The following N4BP2 variants were observed in gnomAD, a reference collection of about 807,000 sequenced individuals.
N4BP2 encodes the protein NEDD4-binding protein 2.
Under a neutral mutation model 152.8 loss-of-function variants are expected in N4BP2, and 91 were observed. The ratio of observed to expected loss-of-function variants is 0.60; its 90% CI spans 0.50 to 0.71. The LOEUF (loss-of-function observed/expected upper bound fraction) is 0.71. Among genes scored for constraint, N4BP2 ranks in the 30% least tolerant of loss-of-function variants. N4BP2 has a pLI of 0.00. For synonymous variants in N4BP2, 646 were observed against 705.3 expected, an observed-to-expected ratio of 0.92 and a Z score of 1.33; for missense variants, 1,923 against 2,059.1, an observed-to-expected ratio of 0.93 and a Z score of 1.28.
At chr4:40,187,624 A>G in the N4BP2 span, among the ~76,000 whole-genome samples, 2 of 152,230 alleles carry the variant, frequency 1.3e-5, 1 homozygote, top group East Asian at 3.8e-4. Flanking sequence ...CCAGCCTAAG[A>G]TGCATTTTAT....
intron 7 of N4BP2, 100 bp from the exon 8 acceptor site, chr4:40,117,769 C>G: frequency 1.1e-6 from 1 of 950,602 alleles, no homozygotes; most frequent in Non-Finnish European, 1.5e-6. Flanking sequence ...ATATTCGTAT[C>G]TATTAGAAAT....
At chr4:40,099,510 A>C (rs937104155) in intron 3 of N4BP2, among the ~76,000 whole-genome samples, 3 of 152,138 alleles carry the variant, frequency 2.0e-5, no homozygotes, top group African/African-American at 7.2e-5. Flanking sequence ...TCAGCCTCCC[A>C]AAATGCTAGG....
Position 40,120,467 on chromosome 4 carries a change from A to G in N4BP2, c.2356A>G (p.Asn786Asp), listed in dbSNP as rs1717775203. 5 of 1,613,716 alleles carry G rather than the reference A, an allele frequency of 3.1e-6. No individual in the cohort carries two copies. The South Asian group carries it at 4.4e-5, about 14-fold the overall frequency. ...LEKFPRHELSNFVGDWPVDKT... is the reference protein window; with the variant it reads ...LEKFPRHELSDFVGDWPVDKT... ...AAAGTTCCCAAGACATGAGCTATCA[A>G]ATTTTGTTGGTGACTGGCCAGTTGA... Residue 786 changes from asparagine (N) to aspartate (D), a missense_variant, in exon 9 of 18, where the codon AAT becomes GAT. Coordinates refer to ENST00000261435, the MANE Select transcript of N4BP2 (RefSeq NM_018177.6).
the N4BP2 span, among the ~76,000 whole-genome samples, chr4:40,176,487 G>C: frequency 1.1e-4 from 16 of 152,220 alleles, no homozygotes; most frequent in African/African-American, 3.4e-4. Context: ...AAGGAGTGGA[G>C]AGTGTATAGT....
chr4:40,087,393 T>G (rs908781936), intron 2 of N4BP2, among the ~76,000 whole-genome samples: 6 of 152,264 alleles, frequency 3.9e-5, no homozygotes, highest in Admixed American at 2.6e-4. Flanking sequence ...AGGCTAAGTC[T>G]CACTCTGTCA....
At chr4:40,145,053 C>A (rs1177221023) in intron 16 of N4BP2, among the ~76,000 whole-genome samples, 1 of 152,124 alleles carries the variant, frequency 6.6e-6, no homozygotes, top group African/African-American at 2.4e-5. Flanking sequence ...ATCTGCGAAT[C>A]CTCTCTGTGA....
intron 16 of N4BP2, among the ~76,000 whole-genome samples, chr4:40,147,913 C>T (rs932228208): frequency 2.0e-5 from 3 of 150,336 alleles, no homozygotes; most frequent in Non-Finnish European, 3.0e-5. Flanking sequence ...AGAGGCGCTC[C>T]CCACATTTCA....
intron 2 of N4BP2, among the ~76,000 whole-genome samples, chr4:40,089,783 A>G (rs1714354975): frequency 6.6e-6 from 1 of 152,132 alleles, no homozygotes; most frequent in Admixed American, 6.5e-5. Context: ...GTTTTTGCCT[A>G]GCCTTAGCTT....
chr4:40,171,395 T>C, the N4BP2 span, among the ~76,000 whole-genome samples: 1 of 152,188 alleles, frequency 6.6e-6, no homozygotes, highest in Non-Finnish European at 1.5e-5. Flanking sequence ...CCCAGGGTAA[T>C]GCTGTGTGGT....
chr4:40,120,258 C>T lies in N4BP2; in HGVS notation c.2147C>T (p.Thr716Ile), dbSNP rs768056174. ...VAVKGYSKTD[T>I]DSSMERVSPS... ...GTAAAAGGGTATAGTAAAACTGACACAGATAGTTCTATGGAGAGAGTATCA... is the reference window on the plus strand; with the variant it reads ...GTAAAAGGGTATAGTAAAACTGACATAGATAGTTCTATGGAGAGAGTATCA... The change falls in exon 9 of 18, where the codon ACA (threonine) becomes ATA (isoleucine). Residue 716 changes from threonine to isoleucine, a missense_variant. Physicochemically the swap from Thr to Ile is moderately conservative, Grantham distance 89. Transcript: ENST00000261435. 4.3e-6 allele frequency: 7 copies of T among 1,613,874 alleles called. No homozygotes were observed. The East Asian group carries it at 8.9e-5, about 21-fold the overall frequency.
At chr4:40,086,974 C>G (rs1020626197) in intron 2 of N4BP2, among the ~76,000 whole-genome samples, 1 of 152,040 alleles carries the variant, frequency 6.6e-6, no homozygotes, top group South Asian at 2.1e-4. Flanking sequence ...GTTTCGAACT[C>G]CTGGACTCAG....
At chr4:40,170,260 TGTG>T in the N4BP2 span, among the ~76,000 whole-genome samples, 1 of 152,116 alleles carries the variant, frequency 6.6e-6, no homozygotes, top group Non-Finnish European at 1.5e-5. Context: ...AAGAGTCCAT[TGTG>T]GTAATATATT....
chr4:40,153,258 A>T (rs1317565354), intron 17 of N4BP2, among the ~76,000 whole-genome samples: 3 of 152,248 alleles, frequency 2.0e-5, no homozygotes, highest in Non-Finnish European at 4.4e-5. Context: ...TTTCTTTGAT[A>T]ATATGCAAAA....
At chr4:40,149,458 GA>G (rs1231902588) in intron 16 of N4BP2, among the ~76,000 whole-genome samples, 2 of 152,194 alleles carry the variant, frequency 1.3e-5, no homozygotes, top group African/African-American at 2.4e-5. Context: ...ATGAGGCACA[GA>G]ATTTCTTTGT....
chr4:40,112,113 C>A lies in N4BP2; in HGVS notation c.1528C>A (p.Pro510Thr). The change falls in exon 6 of 18, where the codon CCT becomes ACT. Residue 510 changes from proline (P) to threonine (T), a missense_variant. Coordinates refer to ENST00000261435, the MANE Select transcript of N4BP2 (RefSeq NM_018177.6). ...AKEAFEKKIS[P>T]IIIDNTNLQA... is the part of the protein sequence containing the mutation. ...AGAAGCATTTGAGAAGAAGATATCT[C>A]CTATAATTATAGATAATACAAACCT... The A allele has an allele frequency of 6.4e-7, 1 of 1,560,194 alleles. No individual in the cohort carries two copies. Among genetic ancestry groups the A allele is most frequent in the Non-Finnish European group, 8.7e-7 (1 of 1,146,760 alleles).
At chr4:40,182,823 C>G in the N4BP2 span, among the ~76,000 whole-genome samples, 1 of 151,960 alleles carries the variant, frequency 6.6e-6, no homozygotes, top group African/African-American at 2.4e-5. Context: ...ATTACAGGCA[C>G]CTGTCACCAC....
At chr4:40,181,009 G>C in the N4BP2 span, among the ~76,000 whole-genome samples, 1 of 152,126 alleles carries the variant, frequency 6.6e-6, no homozygotes, top group African/African-American at 2.4e-5. Flanking sequence ...AATTAGCCGG[G>C]CATGGTGGCA....
Position 40,142,730 on chromosome 4 carries a change from G to C in N4BP2, c.4843G>C (p.Glu1615Gln), listed in dbSNP as rs150356537. 1.2e-5 allele frequency: 19 copies of C among 1,613,962 alleles called. No individual in the cohort carries two copies. The highest frequency in any genetic ancestry group is 1.7e-5 in the Admixed American group (1 of 60,004). Residue 1615 changes from glutamate (E) to glutamine (Q), a missense_variant, in exon 15 of 18, where the codon GAG becomes CAG. Glu to Gln is a conservative substitution (Grantham distance 29). Transcript: ENST00000261435. ...AAGTGAACTGTCTTTCCAGGACTTT[G>C]AGTACCCAGACTATGATGACTACAG... ...TPSELSFQDF[E>Q]YPDYDDYRAE...
rs33993973 is a variant in N4BP2, at chr4:40,146,869, CTTTTTTTT to C, written c.5143+2083_5143+2090del. Among the ~76,000 whole-genome samples the C allele has an allele frequency of 1.2e-3, 107 of 90,042 alleles. No individual in the cohort carries two copies. In the Middle Eastern group the frequency reaches 0.046, roughly 39 times the overall value. 59.1% of individuals were successfully genotyped at this position (90,042 alleles called of 152,430 possible). A position where few individuals can be genotyped will look rare whatever the true frequency, so the allele number is the denominator to read the frequency against. The stretch of plus-strand genomic sequence containing the variant: ...TTCTATTATGTTTCTATGTGTTTGG[CTTTTTTTT>C]TTTTTTTTTTTTTCCCCAGGTAATG... On this transcript the variant is annotated intron_variant, in intron 16 of 17. Coordinates refer to ENST00000261435, the MANE Select transcript of N4BP2 (RefSeq NM_018177.6).
Sources: allele counts gnomAD v4.1 joint callset (sites outside exome capture counted in the v4.1 genomes callset), GRCh38; gene constraint gnomAD v4.1.1; transcripts MANE v1.5; gene names NCBI Gene and HGNC (gene_info 2026-07-23, HGNC 2026-07-21).